DNAH17: variants seen among roughly 807,000 people sequenced by gnomAD.
DNAH17 encodes axonemal beta dynein heavy chain 17.
A neutral mutation model predicts 485.6 loss-of-function variants in DNAH17; 376 were observed. That is an observed-to-expected ratio of 0.77 (90% CI 0.71 to 0.84). The LOEUF (loss-of-function observed/expected upper bound fraction) is 0.84. DNAH17 is among the 40% of genes least tolerant of loss of function. DNAH17 has a pLI of 0.00. For missense variants in DNAH17, 6,370 were observed against 5,839.3 expected, an observed-to-expected ratio of 1.09 and a Z score of -2.96; for synonymous variants, 3,031 against 2,405.9, an observed-to-expected ratio of 1.26 and a Z score of -7.60.
In DNAH17 at chr17:78,525,167, G is replaced by A; in HGVS notation, c.3712-6C>T. 1.9e-6 allele frequency: 3 copies of A among 1,611,106 alleles called. No individual in the cohort carries two copies. The highest frequency in any genetic ancestry group is 2.5e-6 in the Non-Finnish European group (3 of 1,178,750). Reference sequence around the variant, plus strand: ...GCGGAGATGCTCTTTTGTTGCTAGGGGCGGCGAGGGGGCCGTCAGTAGGGC... The same window carrying A: ...GCGGAGATGCTCTTTTGTTGCTAGGAGCGGCGAGGGGGCCGTCAGTAGGGC... On this transcript the variant is annotated splice_polypyrimidine_tract_variant and splice_region_variant and intron_variant, in intron 24 of 80. Coordinates refer to ENST00000389840, the MANE Select transcript of DNAH17 (RefSeq NM_173628.4).
At chr17:78,471,815 C>T (rs978020602) in intron 54 of DNAH17, among the ~76,000 whole-genome samples, 4 of 152,170 alleles carry the variant, frequency 2.6e-5, no homozygotes, top group East Asian at 1.9e-4. Context: ...CCTCCACTCC[C>T]GTCCTCTTAT....
Position 78,537,401 on chromosome 17 carries a change from G to A in DNAH17, c.2757C>T (p.Gly919=), listed in dbSNP as rs899278798. ...GLTFNPTLEV[G]SDRGFLALIE... ...TCAGTGCCAGGAAGCCGCGATCTGA[G>A]CCCACCTCCAGGGTCGGGTTGAAGG... is the stretch of plus-strand genomic sequence containing the variant. The change falls in exon 19 of 81, where the codon GGC becomes GGT. Residue 919 remains glycine (G), a synonymous_variant. Coordinates refer to ENST00000389840, the MANE Select transcript of DNAH17 (RefSeq NM_173628.4). 12 of 1,613,210 alleles carry A rather than the reference G, an allele frequency of 7.4e-6. No homozygotes were observed. The African/African-American group carries it at 1.1e-4, about 14-fold the overall frequency.
At position 78,546,148 on chromosome 17, in the gene DNAH17, G is replaced by T. The variant is rs1191488725; in HGVS notation, c.2392-2151C>A. Reference sequence around the variant, plus strand: ...TTGTCCAGCCTGAGCAACATAGGAAGGCCCTAGGCTCAAGCAATACTCCTG... The same window carrying T: ...TTGTCCAGCCTGAGCAACATAGGAATGCCCTAGGCTCAAGCAATACTCCTG... On this transcript the variant is annotated intron_variant, in intron 16 of 80. Coordinates refer to ENST00000389840, the MANE Select transcript of DNAH17 (RefSeq NM_173628.4). 4.5e-4 allele frequency among the ~76,000 whole-genome samples: 69 copies of T among 152,226 alleles called. 1 individual carries two copies. Among genetic ancestry groups the T allele is most frequent in the Admixed American group, 4.4e-3 (68 of 15,292 alleles).
At chr17:78,571,141 C>T in intron 5 of DNAH17, 108 bp from the exon 6 acceptor site, 1 of 1,292,936 alleles carries the variant, frequency 7.7e-7, no homozygotes, top group Non-Finnish European at 1.1e-6. Context: ...GAAATGGGGC[C>T]TTTCTCAAGT....
chr17:78,546,411 CTAAT>C (rs2091765475), intron 16 of DNAH17, among the ~76,000 whole-genome samples: 2 of 149,984 alleles, frequency 1.3e-5, no homozygotes, highest in Middle Eastern at 3.4e-3. Context: ...TATACTGTAA[CTAAT>C]GTTTGCCCTT....
chr17:78,551,337 G>A (rs1188917894), intron 16 of DNAH17, among the ~76,000 whole-genome samples, 198 bp downstream of exon 16: 1 of 152,230 alleles, frequency 6.6e-6, no homozygotes, highest in Non-Finnish European at 1.5e-5. Context: ...GAGCAGAACT[G>A]AATTTCACAG....
rs151188830 is a variant in DNAH17 at position 78,459,938 on chromosome 17, C to T, written c.9499G>A (p.Ala3167Thr). Residue 3167 changes from alanine (A) to threonine (T), a missense_variant, in exon 60 of 81, where the codon GCC (alanine) becomes ACC (threonine). By Grantham distance (58) the Ala-to-Thr change is moderately conservative (BLOSUM62 0). Transcript: ENST00000389840. ...PPDAVVNVTA[A>T]VMILTAPGGK... ...CCAGGTGCGGTCAGAATCATGACGG[C>T]GGCGGTGACGTTGACCACAGCATCC... 4.0e-5 allele frequency: 64 copies of T among 1,613,634 alleles called. 1 individual carries two copies. The highest frequency in any genetic ancestry group is 1.6e-4 in the South Asian group (15 of 91,088).
Position 78,500,326 on chromosome 17 carries a change from G to A in DNAH17, c.5619C>T (p.Cys1873=), listed in dbSNP as rs781290051. The change falls in exon 36 of 81, where the codon TGC becomes TGT. Residue 1873 remains cysteine (C), a synonymous_variant. Coordinates refer to ENST00000389840, the MANE Select transcript of DNAH17 (RefSeq NM_173628.4). ...GTACCTTGTAGTCCATCTGCTCGGA[G>A]CAGTTGAAGACGTAGACCATGGTGC... The part of the protein sequence containing the change: ...ALGTMVYVFN[C]SEQMDYKSCG... The A allele has an allele frequency of 1.2e-6, 2 of 1,612,304 alleles. No homozygotes were observed. The highest frequency in any genetic ancestry group is 2.2e-5 in the South Asian group (2 of 90,814).
intron 27 of DNAH17, among the ~76,000 whole-genome samples, chr17:78,509,292 A>AT (rs1171693475): frequency 6.7e-5 from 10 of 148,186 alleles, no homozygotes; most frequent in Non-Finnish European, 8.9e-5. Flanking sequence ...AAATTTATTT[A>AT]TTTTTTTTGT....
chr17:78,548,141 C>CT (rs2091814400), intron 16 of DNAH17, among the ~76,000 whole-genome samples: 1 of 150,522 alleles, frequency 6.6e-6, no homozygotes, highest in Non-Finnish European at 1.5e-5. Flanking sequence ...TTTCCCTTCT[C>CT]TGCTTTCCTC....
At chr17:78,440,043 T>TC (rs1368271573) in intron 72 of DNAH17, among the ~76,000 whole-genome samples, 1 of 150,076 alleles carries the variant, frequency 6.7e-6, no homozygotes, top group African/African-American at 2.4e-5. Context: ...AAGTGATCCT[T>TC]CTGCCTTGGC....
intron 25 of DNAH17, among the ~76,000 whole-genome samples, chr17:78,518,715 A>G (rs994332538): frequency 6.6e-6 from 1 of 152,220 alleles, no homozygotes; most frequent in Non-Finnish European, 1.5e-5. Context: ...TCAAGTGCCC[A>G]TGGGACATTC....
At chr17:78,474,857 G>C (rs1243222247) in intron 54 of DNAH17, among the ~76,000 whole-genome samples, 1 of 148,344 alleles carries the variant, frequency 6.7e-6, no homozygotes, top group Non-Finnish European at 1.5e-5. Context: ...TCAGTCATGC[G>C]GGCCGGAAGA....
intron 9 of DNAH17, among the ~76,000 whole-genome samples, chr17:78,567,704 C>CCT (rs1236361749): frequency 6.6e-6 from 1 of 152,142 alleles, no homozygotes; most frequent in Non-Finnish European, 1.5e-5. Flanking sequence ...GCTCATGCCC[C>CCT]CTCTCCCTGA....
intron 17 of DNAH17, among the ~76,000 whole-genome samples, chr17:78,542,093 G>T (rs987625549): frequency 6.7e-6 from 1 of 148,652 alleles, no homozygotes; most frequent in Non-Finnish European, 1.5e-5. Flanking sequence ...CCACACCACT[G>T]ATTTGCACCA....
At chr17:78,462,107 G>A (rs2088159319) in intron 57 of DNAH17, among the ~76,000 whole-genome samples, 1 of 152,106 alleles carries the variant, frequency 6.6e-6, no homozygotes, top group Admixed American at 6.5e-5. Flanking sequence ...AGGAAGTCCA[G>A]GCTGCAGTGA....
intron 16 of DNAH17, among the ~76,000 whole-genome samples, chr17:78,545,314 G>T (rs139792312): frequency 3.8e-4 from 58 of 152,244 alleles, no homozygotes; most frequent in Non-Finnish European, 3.1e-4. Flanking sequence ...AGAAAAACGC[G>T]TTCTGTATAT....
intron 22 of DNAH17, among the ~76,000 whole-genome samples, chr17:78,528,715 C>CCA (rs950050143): frequency 3.3e-5 from 5 of 152,080 alleles, no homozygotes; most frequent in South Asian, 2.1e-4. Context: ...CACACCCTCT[C>CCA]CATCCTCCCA....
At chr17:78,510,751 G>GCCCCCCCCC (rs3031639) in intron 26 of DNAH17, 1 of 367,214 alleles carries the variant, frequency 2.7e-6, no homozygotes, top group African/African-American at 2.3e-5. Flanking sequence ...CGGAATTGCG[G>GCCCCCCCCC]CCCCCCCGCA....
Sources: allele counts gnomAD v4.1 joint callset (sites outside exome capture counted in the v4.1 genomes callset), GRCh38; gene constraint gnomAD v4.1.1; transcripts MANE v1.5; gene names NCBI Gene and HGNC (gene_info 2026-07-23, HGNC 2026-07-21).